TRANK1: variants seen among roughly 807,000 people sequenced by gnomAD.
The protein encoded by TRANK1 is tetratricopeptide repeat and ankyrin repeat containing 1.
A neutral mutation model predicts 266.0 loss-of-function variants in TRANK1; 198 were observed. The observed-to-expected ratio is 0.74, with a 90% confidence interval of 0.66 to 0.84. The LOEUF (loss-of-function observed/expected upper bound fraction) is 0.84, where lower values mean the gene tolerates loss of function less well. Ranked by LOEUF, TRANK1 falls within the 40% of genes least tolerant of loss-of-function variation. The pLI is 0.00. For missense variants in TRANK1, 3,326 were observed against 3,634.6 expected, an observed-to-expected ratio of 0.92 and a Z score of 2.18; for synonymous variants, 1,396 against 1,384.1, an observed-to-expected ratio of 1.01 and a Z score of -0.19.
intron 5 of TRANK1, 29 bp from the exon 6 acceptor site, chr3:36,893,013 A>G (rs1032774813): frequency 7.2e-7 from 1 of 1,392,284 alleles, no homozygotes; most frequent in African/African-American, 1.5e-5. Flanking sequence ...AAAGGCTGGA[A>G]TAATAATGTT....
chr3:36,918,914 C>T (rs1472299733), intron 1 of TRANK1, among the ~76,000 whole-genome samples: 1 of 152,238 alleles, frequency 6.6e-6, no homozygotes, highest in Admixed American at 6.5e-5. Flanking sequence ...ACCCTGGCCC[C>T]GCTGACAAGA....
chr3:36,913,335 C>T (rs892856300), intron 1 of TRANK1, among the ~76,000 whole-genome samples: 2 of 152,066 alleles, frequency 1.3e-5, no homozygotes, highest in Non-Finnish European at 2.9e-5. Flanking sequence ...CAGGCTTGAG[C>T]CACCATGACC....
In TRANK1 at chr3:36,858,054, A is replaced by G. The variant is rs955950094; in HGVS notation, c.1673-5T>C. ...GGAAGCTAAAACCAATGTCAGCTGA[A>G]AGACACAAACAAAACCCTGTGAGCA... On this transcript the variant is annotated splice_polypyrimidine_tract_variant and splice_region_variant and intron_variant, in intron 12 of 23. Coordinates refer to ENST00000645898, the MANE Select transcript of TRANK1 (RefSeq NM_001329998.2). The G allele has an allele frequency of 6.5e-7, 1 of 1,529,452 alleles. No homozygotes were observed. Among genetic ancestry groups the G allele is most frequent in the African/African-American group, 1.4e-5 (1 of 73,352 alleles). The allele number at this position is 1,529,452 out of a possible 1,614,324, so 94.7% of individuals were successfully genotyped here.
chr3:36,845,058 TA>T (rs60018097), intron 17 of TRANK1, among the ~76,000 whole-genome samples: 33,688 of 150,742 alleles, frequency 0.22, 4,634 homozygotes, highest in East Asian at 0.57. Flanking sequence ...AATACACAAT[TA>T]AAAAAAAACC....
chr3:36,893,263 G>A (rs1420474521), intron 5 of TRANK1, among the ~76,000 whole-genome samples: 1 of 149,604 alleles, frequency 6.7e-6, no homozygotes, highest in Non-Finnish European at 1.5e-5. Flanking sequence ...GCATTTCACA[G>A]CATAGTTGCA....
In TRANK1 at chr3:36,857,115, G is replaced by A. The variant is rs140502632; in HGVS notation, c.2607C>T (p.Gly869=). ...GCTTCTGCAGGCCCTGGGTCCACTC[G>A]CCATTTCCCAGCTGCTGAATGGCAA... is the stretch of plus-strand genomic sequence containing the variant. ...IILAIQQLGN[G]EWTQGLQKRL... is the part of the protein sequence containing the mutation. The change falls in exon 13 of 24, where the codon GGC becomes GGT. Residue 869 remains glycine (G), a synonymous_variant. Coordinates refer to ENST00000645898, the MANE Select transcript of TRANK1 (RefSeq NM_001329998.2). This position sits in a 1 kb window ranked among gnomAD's most constrained non-coding sequence, Gnocchi z 4.3. 6.6e-4 allele frequency: 1,067 copies of A among 1,613,946 alleles called. 9 individuals carry two copies. The Admixed American group carries it at 0.012, about 19-fold the overall frequency.
chr3:36,855,457 G>A lies in TRANK1; in HGVS notation c.4265C>T (p.Ser1422Leu), dbSNP rs199834799. Residue 1422 changes from serine (S) to leucine (L), a missense_variant, in exon 13 of 24, where the codon TCG becomes TTG. By Grantham distance (145) the Ser-to-Leu change is moderately radical. Transcript: ENST00000645898. ...GGACCATGGGAGCACCCTGAGCTTC[G>A]ACAGCCTCCGGGATATGTTGTACAG... ...DVLYNISRRLSKLRVLPWSIH... is the reference protein window; with the variant it reads ...DVLYNISRRLLKLRVLPWSIH... 58 of 1,613,892 alleles carry A rather than the reference G, an allele frequency of 3.6e-5. No individual in the cohort carries two copies. The highest frequency in any genetic ancestry group is 2.7e-5 in the Non-Finnish European group (32 of 1,179,866).
chr3:36,861,447 A>T (rs2079140980), intron 10 of TRANK1, among the ~76,000 whole-genome samples: 1 of 152,146 alleles, frequency 6.6e-6, no homozygotes, highest in African/African-American at 2.4e-5. Context: ...TTCTGCTGAG[A>T]TCAGAAGGGC....
intron 15 of TRANK1, chr3:36,850,589 C>A (rs1458849902): frequency 7.5e-6 from 6 of 794,744 alleles, no homozygotes; most frequent in Non-Finnish European, 7.6e-6. Flanking sequence ...GGCAACACAG[C>A]AAGACCATAT....
chr3:36,932,970 T>C (rs953617904), intron 1 of TRANK1, among the ~76,000 whole-genome samples: 1 of 152,210 alleles, frequency 6.6e-6, no homozygotes, highest in Admixed American at 6.5e-5. Context: ...TCTCTTCAAA[T>C]AGCTTGATCA....
intron 15 of TRANK1, chr3:36,851,141 CT>C: frequency 1.0e-6 from 1 of 985,670 alleles, no homozygotes; most frequent in South Asian, 4.7e-5. Flanking sequence ...ACAGAGGTCA[CT>C]GGGGGTCAAT....
intron 13 of TRANK1, among the ~76,000 whole-genome samples, chr3:36,853,504 C>T (rs745543454): frequency 3.3e-5 from 5 of 152,222 alleles, no homozygotes; most frequent in Admixed American, 2.6e-4. Context: ...AGCAAATAAG[C>T]TTCTACTGTG....
chr3:36,889,498 T>C (rs548503262), intron 8 of TRANK1, among the ~76,000 whole-genome samples: 12 of 152,296 alleles, frequency 7.9e-5, no homozygotes, highest in African/African-American at 2.9e-4. Flanking sequence ...CTAACACAGA[T>C]TTGGCATAAA....
At chr3:36,830,781 G>A in intron 22 of TRANK1, 92 bp downstream of exon 22, 1 of 1,388,050 alleles carries the variant, frequency 7.2e-7, no homozygotes, top group East Asian at 2.4e-5. Flanking sequence ...CCATCCCCAA[G>A]TCAGAAGCCA....
Position 36,847,020 on chromosome 3 carries a change from C to A in TRANK1, c.5034+180G>T, listed in dbSNP as rs1230724028. On this transcript the variant is annotated intron_variant, in intron 16 of 23. Transcript: ENST00000645898. Reference sequence around the variant, plus strand: ...TCCACCCATCAAGCCCAGTTCTCTACTAAAAAAAATGGAATTTACCAAAAC... The same window carrying A: ...TCCACCCATCAAGCCCAGTTCTCTAATAAAAAAAATGGAATTTACCAAAAC... Among the ~76,000 whole-genome samples the A allele has an allele frequency of 4.6e-5, 7 of 152,228 alleles. No homozygotes were observed. In the South Asian group the frequency reaches 8.3e-4, roughly 18 times the overall value.
At chr3:36,929,146 ATTTT>A (rs5847943) in intron 1 of TRANK1, among the ~76,000 whole-genome samples, 3 of 144,038 alleles carry the variant, frequency 2.1e-5, no homozygotes, top group African/African-American at 7.7e-5. Context: ...TAAAACATTA[ATTTT>A]TTTTTTTTTT....
intron 9 of TRANK1, among the ~76,000 whole-genome samples, chr3:36,872,913 A>G (rs2079330823): frequency 6.6e-6 from 1 of 152,222 alleles, no homozygotes; most frequent in East Asian, 1.9e-4. Flanking sequence ...GACTCCGAGG[A>G]CAGAGAAAAT....
At chr3:36,888,618 C>T (rs970815432) in intron 8 of TRANK1, among the ~76,000 whole-genome samples, 10 of 152,180 alleles carry the variant, frequency 6.6e-5, no homozygotes, top group Non-Finnish European at 1.3e-4. Flanking sequence ...CTGAGAGATG[C>T]TGAAGAGAGG....
chr3:36,876,059 G>T (rs1056251833), intron 8 of TRANK1, among the ~76,000 whole-genome samples: 5 of 152,164 alleles, frequency 3.3e-5, no homozygotes, highest in Non-Finnish European at 7.4e-5. Context: ...ATTCTTTAAG[G>T]GGGGATAAGG....
Sources: allele counts gnomAD v4.1 joint callset (sites outside exome capture counted in the v4.1 genomes callset), GRCh38; gene constraint gnomAD v4.1.1; non-coding constraint Gnocchi (gnomAD v3.1); transcripts MANE v1.5; gene names NCBI Gene and HGNC (gene_info 2026-07-23, HGNC 2026-07-21).